The following NR6A1 variants were observed in gnomAD, a reference collection of about 807,000 sequenced individuals.
NR6A1 encodes the protein nuclear receptor subfamily 6 group A member 1, also known as retinoic acid receptor-related testis-associated receptor.
In NR6A1, 7 loss-of-function variants were observed where a neutral mutation model predicts 59.1. The observed-to-expected ratio is 0.12, with a 90% CI of 0.07 to 0.22. The LOEUF is 0.22. Ranked by LOEUF, NR6A1 falls within the 10% of genes least tolerant of loss-of-function variation. The pLI is 1.00. For synonymous variants in NR6A1, 243 were observed against 236.1 expected (o/e 1.03, Z -0.27); for missense variants, 468 against 611.6 (o/e 0.77, Z 2.48).
At position 124,519,034 on chromosome 9, in the gene NR6A1, G is replaced by A. The variant is rs1832744463; in HGVS notation, c.*3671C>T. On this transcript the variant is annotated 3_prime_UTR_variant, in exon 10 of 10. Transcript: ENST00000487099. ...GTCTCCATCAGTCCCATTCCCCCAG[G>A]AAATCAAGAACAAACAAACAAATGT... The A allele has an allele frequency of 6.6e-6, 1 of 152,128 alleles. No individual in the cohort carries two copies. The highest frequency in any genetic ancestry group is 1.5e-5 in the Non-Finnish European group (1 of 68,070). 9.4% of individuals were successfully genotyped at this position (152,128 alleles called of 1,614,324 possible).
chr9:124,591,443 C>G (rs191107484), intron 2 of NR6A1, among the ~76,000 whole-genome samples: 12 of 152,320 alleles, frequency 7.9e-5, no homozygotes, highest in Admixed American at 7.2e-4. Context: ...TGTAGCAAAG[C>G]CATATACGTA....
chr9:124,762,680 A>G (rs963113187), intron 1 of NR6A1, among the ~76,000 whole-genome samples: 1 of 152,226 alleles, frequency 6.6e-6, no homozygotes, highest in Admixed American at 6.5e-5. Flanking sequence ...TCCATTGATC[A>G]ATCTGGCATT....
At chr9:124,628,809 T>C (rs1480113541) in intron 2 of NR6A1, among the ~76,000 whole-genome samples, 1 of 152,040 alleles carries the variant, frequency 6.6e-6, no homozygotes. Flanking sequence ...CCCGGCTAAT[T>C]TTTTTGTTTT....
chr9:124,699,250 CA>C (rs148069811), intron 2 of NR6A1, among the ~76,000 whole-genome samples: 244 of 152,310 alleles, frequency 1.6e-3, no homozygotes, highest in African/African-American at 5.7e-3. Flanking sequence ...TCTCACTACC[CA>C]AACTCTTGCC....
intron 2 of NR6A1, among the ~76,000 whole-genome samples, chr9:124,638,112 G>A (rs1836667952): frequency 6.6e-6 from 1 of 151,522 alleles, no homozygotes; most frequent in Non-Finnish European, 1.5e-5. Context: ...AAATTAGCTG[G>A]GTGTGGTGGC....
chr9:124,756,155 C>T (rs1387819293), intron 1 of NR6A1, among the ~76,000 whole-genome samples: 3 of 152,144 alleles, frequency 2.0e-5, no homozygotes, highest in African/African-American at 7.2e-5. Flanking sequence ...AAATAGAATA[C>T]CATTCTTTTG....
intron 2 of NR6A1, among the ~76,000 whole-genome samples, chr9:124,634,543 C>T (rs866807742): frequency 2.0e-5 from 3 of 151,948 alleles, no homozygotes; most frequent in Admixed American, 6.6e-5. Context: ...TTATTTCTGC[C>T]GGGCACGGTA....
At chr9:124,717,339 G>T (rs1839436823) in intron 2 of NR6A1, among the ~76,000 whole-genome samples, 1 of 152,118 alleles carries the variant, frequency 6.6e-6, no homozygotes, top group African/African-American at 2.4e-5. Flanking sequence ...AGCAGCCCAG[G>T]TATCAACAGG....
At chr9:124,710,498 G>A (rs1467133931) in intron 2 of NR6A1, among the ~76,000 whole-genome samples, 1 of 152,156 alleles carries the variant, frequency 6.6e-6, no homozygotes, top group African/African-American at 2.4e-5. Context: ...TCATTGCAAT[G>A]AGCCTCAGCC....
intron 2 of NR6A1, among the ~76,000 whole-genome samples, chr9:124,717,635 G>C (rs28447347): frequency 0.037 from 5,655 of 152,320 alleles, 337 homozygotes; most frequent in African/African-American, 0.13. Flanking sequence ...TTGATAGAAT[G>C]TGGATTACTA....
Position 124,735,662 on chromosome 9 carries a change from A to G in NR6A1, c.101-2313T>C, listed in dbSNP as rs564878573. ...TCAGACCAGCTTTAAACCCCTCTAC[A>G]TAAAGGCAATGGGAATCAGAAAAGC... is the stretch of plus-strand genomic sequence containing the variant. On this transcript the variant is annotated intron_variant, in intron 1 of 9. Coordinates refer to ENST00000487099, the MANE Select transcript of NR6A1 (RefSeq NM_033334.4). 3.3e-5 allele frequency among the ~76,000 whole-genome samples: 5 copies of G among 152,364 alleles called. No homozygotes were observed. In the East Asian group the frequency reaches 9.6e-4, roughly 29 times the overall value.
At chr9:124,737,669 C>T (rs1343150909) in intron 1 of NR6A1, among the ~76,000 whole-genome samples, 1 of 152,130 alleles carries the variant, frequency 6.6e-6, no homozygotes, top group Non-Finnish European at 1.5e-5. Context: ...AGTTCGAGAC[C>T]AGCATGGCAA....
chr9:124,719,462 T>C (rs868751286), intron 2 of NR6A1, among the ~76,000 whole-genome samples: 1 of 152,190 alleles, frequency 6.6e-6, no homozygotes, highest in African/African-American at 2.4e-5. Flanking sequence ...GGTATCAGAT[T>C]ACATTTTTAA....
chr9:124,568,195 A>AC lies in NR6A1; in HGVS notation c.143-13626_143-13625insG, dbSNP rs71372975. ...AAAAAAAAAAAAAAAAAAAAAAAAA[A>AC]GAAACAGAGGCTGGGCGTGGTGGCT... On this transcript the variant is annotated intron_variant, in intron 2 of 9. Transcript: ENST00000487099. Among the ~76,000 whole-genome samples, 6 of 146,834 alleles carry AC rather than the reference A, an allele frequency of 4.1e-5. No homozygotes were observed. In the East Asian group the frequency reaches 8.1e-4, roughly 20 times the overall value.
intron 1 of NR6A1, among the ~76,000 whole-genome samples, chr9:124,762,049 T>TA (rs1220041634): frequency 5.9e-5 from 9 of 152,238 alleles, no homozygotes; most frequent in East Asian, 1.9e-4. Flanking sequence ...AACTCCAAAG[T>TA]AAAAAAAGTA....
At chr9:124,668,297 A>G (rs929902359) in intron 2 of NR6A1, among the ~76,000 whole-genome samples, 1 of 151,864 alleles carries the variant, frequency 6.6e-6, no homozygotes. Flanking sequence ...AAAGAGGAGG[A>G]GGAAGAGAAG....
intron 2 of NR6A1, among the ~76,000 whole-genome samples, chr9:124,630,577 G>A (rs180801539): frequency 0.01 from 1,548 of 151,160 alleles, 24 homozygotes; most frequent in African/African-American, 0.036. Context: ...TATCCTAGGG[G>A]GAAGAGCATG....
intron 2 of NR6A1, among the ~76,000 whole-genome samples, chr9:124,589,420 T>C (rs1222072505): frequency 6.6e-6 from 1 of 152,184 alleles, no homozygotes; most frequent in Non-Finnish European, 1.5e-5. Flanking sequence ...CACTCCGGCC[T>C]GGGCGAAAGA....
At chr9:124,632,494 C>G (rs370236367) in intron 2 of NR6A1, among the ~76,000 whole-genome samples, 1 of 152,220 alleles carries the variant, frequency 6.6e-6, no homozygotes, top group African/African-American at 2.4e-5. Flanking sequence ...TGTCCTTTGT[C>G]CACTTTTTAA....
Sources: allele counts gnomAD v4.1 joint callset (sites outside exome capture counted in the v4.1 genomes callset), GRCh38; gene constraint gnomAD v4.1.1; transcripts MANE v1.5; gene names NCBI Gene and HGNC (gene_info 2026-07-23, HGNC 2026-07-21).